HECW1: variants seen among roughly 807,000 people sequenced by gnomAD.
HECW1 encodes the protein HECT, C2 and WW domain containing E3 ubiquitin protein ligase 1, also known as E3 ubiquitin-protein ligase HECW1.
HECW1 carries 61 observed loss-of-function variants against 182.3 expected under a neutral mutation model. That is an observed-to-expected ratio of 0.33 (90% CI 0.27 to 0.41). The LOEUF is 0.41. Among genes scored for constraint, HECW1 ranks in the 10% least tolerant of loss-of-function variants. HECW1 has a pLI of 1.00. For synonymous variants in HECW1, 859 were observed against 832.6 expected (o/e 1.03, Z -0.55); for missense variants, 1,739 against 2,108.9 (o/e 0.82, Z 3.44).
intron 16 of HECW1, among the ~76,000 whole-genome samples, chr7:43,471,871 A>G (rs1264104399): frequency 1.3e-5 from 2 of 152,204 alleles, no homozygotes; most frequent in African/African-American, 4.8e-5. Flanking sequence ...TCTGACAAAA[A>G]GCATGTCTTT....
intron 17 of HECW1, among the ~76,000 whole-genome samples, chr7:43,489,212 T>A (rs987140635): frequency 2.0e-5 from 3 of 152,162 alleles, no homozygotes; most frequent in Non-Finnish European, 4.4e-5. Flanking sequence ...CCTCTGTAAT[T>A]TATCACTTAG....
intron 6 of HECW1, among the ~76,000 whole-genome samples, chr7:43,370,537 A>C (rs1441946070): frequency 6.6e-6 from 1 of 152,240 alleles, no homozygotes; most frequent in Non-Finnish European, 1.5e-5. Flanking sequence ...ATGTCCATAC[A>C]AACATCTTCA....
chr7:43,471,381 C>T (rs747205669), intron 16 of HECW1, among the ~76,000 whole-genome samples: 13 of 152,200 alleles, frequency 8.5e-5, no homozygotes, highest in Non-Finnish European at 1.8e-4. Flanking sequence ...CAGAGCAGGT[C>T]CTTGCCCCTC....
intron 26 of HECW1, among the ~76,000 whole-genome samples, chr7:43,547,109 C>T (rs955834881): frequency 6.6e-6 from 1 of 152,166 alleles, no homozygotes; most frequent in African/African-American, 2.4e-5. Context: ...TCAAACCGTC[C>T]TTTGCTGGCA....
At chr7:43,551,663 A>T (rs541474018) in intron 27 of HECW1, among the ~76,000 whole-genome samples, 1 of 152,312 alleles carries the variant, frequency 6.6e-6, no homozygotes, top group African/African-American at 2.4e-5. Flanking sequence ...GGAGTGGAGC[A>T]TGCGATTCTT....
At chr7:43,209,116 G>A (rs113976321) in intron 2 of HECW1, among the ~76,000 whole-genome samples, 8 of 152,228 alleles carry the variant, frequency 5.3e-5, no homozygotes, top group South Asian at 2.1e-4. Flanking sequence ...TGCCAGCTCA[G>A]CTTGCCCTGT....
chr7:43,537,029 G>A (rs551708290), intron 24 of HECW1, among the ~76,000 whole-genome samples: 2 of 152,314 alleles, frequency 1.3e-5, no homozygotes, highest in South Asian at 2.1e-4. Context: ...TAGAAGCTGC[G>A]TTCAAGCATG....
chr7:43,123,408 G>C (rs1425088137), intron 2 of HECW1, among the ~76,000 whole-genome samples: 3 of 152,186 alleles, frequency 2.0e-5, no homozygotes, highest in African/African-American at 7.2e-5. Flanking sequence ...CACTAGGTCT[G>C]CTTGCCGAGA....
In HECW1 at chr7:43,444,720, G is replaced by A. The variant is rs2152877888; in HGVS notation, c.1548G>A (p.Glu516=). 6.2e-7 allele frequency: 1 copy of A among 1,612,206 alleles called. No homozygotes were observed. Among genetic ancestry groups the A allele is most frequent in the East Asian group, 2.2e-5 (1 of 44,770 alleles). ...QEEEGDVSTL[E]QGEGRLQLRA... ...AGGAGGGAGATGTGTCTACCCTGGA[G>A]CAGGGAGAGGGCAGGCTGCAGCTGC... The change falls in exon 11 of 30, where the codon GAG becomes GAA. Residue 516 remains glutamate, a synonymous_variant. Transcript: ENST00000395891. This position sits in a 1 kb window ranked among gnomAD's most constrained non-coding sequence, Gnocchi z 4.3.
intron 3 of HECW1, chr7:43,311,522 C>A (rs1243820375): frequency 2.1e-5 from 15 of 713,060 alleles, no homozygotes; most frequent in Non-Finnish European, 3.6e-5. Context: ...GAGACTCCAA[C>A]AAAACATGGA....
chr7:43,327,186 A>G (rs1421428703), intron 5 of HECW1, among the ~76,000 whole-genome samples: 1 of 112,004 alleles, frequency 8.9e-6, no homozygotes, highest in East Asian at 2.0e-4. Context: ...AGGAGACTGA[A>G]CCCCACCTGT....
intron 5 of HECW1, among the ~76,000 whole-genome samples, chr7:43,325,473 C>T (rs1232419147): frequency 6.6e-6 from 1 of 152,146 alleles, no homozygotes; most frequent in East Asian, 1.9e-4. Context: ...AGAAGGTATC[C>T]TGTCTTGATC....
At chr7:43,154,602 T>C (rs1789681199) in intron 2 of HECW1, among the ~76,000 whole-genome samples, 1 of 152,182 alleles carries the variant, frequency 6.6e-6, no homozygotes, top group Non-Finnish European at 1.5e-5. Context: ...GTAAATAGTG[T>C]ATATTAGGAA....
At chr7:43,547,326 A>G (rs2081602412) in intron 26 of HECW1, among the ~76,000 whole-genome samples, 2 of 152,176 alleles carry the variant, frequency 1.3e-5, no homozygotes, top group South Asian at 4.1e-4. Flanking sequence ...AGGTGGGCAG[A>G]TCGCAAAGTC....
chr7:43,143,091 C>T (rs1000027188), intron 2 of HECW1, among the ~76,000 whole-genome samples: 9 of 152,178 alleles, frequency 5.9e-5, no homozygotes, highest in African/African-American at 2.2e-4. Flanking sequence ...AAACCTCCAC[C>T]TCCTGAGTAG....
chr7:43,193,249 G>T (rs1352747414), intron 2 of HECW1, among the ~76,000 whole-genome samples: 1 of 152,156 alleles, frequency 6.6e-6, no homozygotes, highest in Non-Finnish European at 1.5e-5. Context: ...GTTTTGGCCG[G>T]CTCCTTTACT....
At chr7:43,532,386 T>A (rs928640352) in intron 24 of HECW1, among the ~76,000 whole-genome samples, 1 of 151,778 alleles carries the variant, frequency 6.6e-6, no homozygotes, top group African/African-American at 2.4e-5. Context: ...TCATCCAGAG[T>A]GATCATTTTA....
rs551264006 is a variant in HECW1, at chr7:43,563,956, A to AG, written c.*2030_*2031insG. On this transcript the variant is annotated 3_prime_UTR_variant, in exon 30 of 30. Transcript: ENST00000395891. ...CCCTTGCAGCGATGTGTCCGTTGTC[A>AG]ATCAAGGAGTATACATTATAGAAAT... 3.4e-3 allele frequency: 634 copies of AG among 187,168 alleles called. No homozygotes were observed. Among genetic ancestry groups the AG allele is most frequent in the South Asian group, 8.0e-3 (41 of 5,132 alleles). 11.6% of individuals were successfully genotyped at this position (187,168 alleles called of 1,614,324 possible).
intron 17 of HECW1, among the ~76,000 whole-genome samples, chr7:43,484,945 C>G (rs1016383272): frequency 1.3e-5 from 2 of 152,074 alleles, no homozygotes; most frequent in Non-Finnish European, 2.9e-5. Context: ...AAGGAAATCA[C>G]GAAAGGGTAA....
Sources: allele counts gnomAD v4.1 joint callset (sites outside exome capture counted in the v4.1 genomes callset), GRCh38; gene constraint gnomAD v4.1.1; non-coding constraint Gnocchi (gnomAD v3.1); transcripts MANE v1.5; gene names NCBI Gene and HGNC (gene_info 2026-07-23, HGNC 2026-07-21).